Variants in ANKRD6 observed in about 807,000 individuals in gnomAD.
ANKRD6 encodes the protein ankyrin repeat domain 6, also known as ankyrin repeat domain-containing protein 6.
In ANKRD6, 56 loss-of-function variants were observed where a neutral mutation model predicts 82.3. The ratio of observed to expected loss-of-function variants is 0.68; its 90% CI spans 0.55 to 0.85. The LOEUF is 0.85. Ranked by LOEUF, ANKRD6 falls within the 40% of genes least tolerant of loss-of-function variation. The probability of loss-of-function intolerance (pLI) is 0.00; values close to 1 mark genes in which losing one functional copy is unlikely to be tolerated. For synonymous variants in ANKRD6, 347 were observed against 352.1 expected, an observed-to-expected ratio of 0.99 and a Z score of 0.16; for missense variants, 852 against 907.6, an observed-to-expected ratio of 0.94 and a Z score of 0.79.
chr6:89,442,767 T>A (rs1771585119), intron 1 of ANKRD6, among the ~76,000 whole-genome samples: 1 of 152,068 alleles, frequency 6.6e-6, no homozygotes, highest in Non-Finnish European at 1.5e-5. Context: ...TAGACAGAAG[T>A]CTCTGGGTTA....
intron 2 of ANKRD6, among the ~76,000 whole-genome samples, chr6:89,589,700 C>T (rs1263949282): frequency 6.6e-6 from 1 of 152,244 alleles, no homozygotes; most frequent in Non-Finnish European, 1.5e-5. Context: ...CTGATGTTCC[C>T]ATGCAGCAGT....
intron 1 of ANKRD6, among the ~76,000 whole-genome samples, chr6:89,470,137 TAC>T (rs1775274531): frequency 1.3e-5 from 2 of 152,268 alleles, no homozygotes; most frequent in African/African-American, 2.4e-5. Context: ...TGCACACACA[TAC>T]ACACACTCAA....
intron 1 of ANKRD6, among the ~76,000 whole-genome samples, chr6:89,449,487 C>G (rs1032036796): frequency 6.6e-6 from 1 of 152,140 alleles, no homozygotes; most frequent in African/African-American, 2.4e-5. Context: ...CAAACTAGAG[C>G]CAGGAGAGCA....
At chr6:89,579,165 A>T (rs1454752669) in intron 2 of ANKRD6, among the ~76,000 whole-genome samples, 2 of 152,266 alleles carry the variant, frequency 1.3e-5, no homozygotes, top group Non-Finnish European at 2.9e-5. Flanking sequence ...AATGATATTT[A>T]CTAGCTCTAT....
At chr6:89,477,838 A>T (rs897837602) in intron 1 of ANKRD6, among the ~76,000 whole-genome samples, 2 of 152,122 alleles carry the variant, frequency 1.3e-5, no homozygotes, top group African/African-American at 2.4e-5. Context: ...TTTTAATTAA[A>T]AAAAAGAAAA....
intron 1 of ANKRD6, among the ~76,000 whole-genome samples, chr6:89,532,795 G>A (rs796953272): frequency 9.9e-5 from 15 of 151,710 alleles, no homozygotes; most frequent in African/African-American, 2.9e-4. Context: ...TTTGCCTCCC[G>A]GGCTCAAGCC....
intron 1 of ANKRD6, among the ~76,000 whole-genome samples, chr6:89,484,426 T>A (rs183884580): frequency 2.0e-5 from 3 of 152,322 alleles, no homozygotes; most frequent in Admixed American, 2.0e-4. Context: ...TGAGGAGTAC[T>A]GGATTGAGTA....
At position 89,460,909 on chromosome 6, in the gene ANKRD6, C is replaced by CTTTTTTTTTTTTTTTT. The variant is rs143153320; in HGVS notation, c.-144+27543_-144+27544insTTTTTTTTTTTTTTTT. Among the ~76,000 whole-genome samples, 9 of 135,898 alleles carry CTTTTTTTTTTTTTTTT rather than the reference C, an allele frequency of 6.6e-5. 1 individual carries two copies. Among genetic ancestry groups the CTTTTTTTTTTTTTTTT allele is most frequent in the African/African-American group, 1.7e-4 (6 of 35,460 alleles). 89.2% of individuals were successfully genotyped at this position (135,898 alleles called of 152,430 possible). A position where few individuals can be genotyped will look rare whatever the true frequency, so the allele number is the denominator to read the frequency against. Reference sequence around the variant, plus strand: ...AATACTACATCGGTGTTTTGGAATTCTTTTTTTTTGAGACCGAGTCTCCCT... The same window carrying CTTTTTTTTTTTTTTTT: ...AATACTACATCGGTGTTTTGGAATTCTTTTTTTTTTTTTTTTTTTTTTTTTGAGACCGAGTCTCCCT... On this transcript the variant is annotated intron_variant, in intron 1 of 15. Coordinates refer to ENST00000339746, the MANE Select transcript of ANKRD6 (RefSeq NM_001242809.2).
At chr6:89,517,997 C>G (rs1268467490) in intron 1 of ANKRD6, among the ~76,000 whole-genome samples, 1 of 152,210 alleles carries the variant, frequency 6.6e-6, no homozygotes, top group African/African-American at 2.4e-5. Context: ...ACTCCCTTAC[C>G]TTGTAGCAGG....
At chr6:89,484,890 T>C (rs1777192117) in intron 1 of ANKRD6, among the ~76,000 whole-genome samples, 1 of 152,230 alleles carries the variant, frequency 6.6e-6, no homozygotes, top group African/African-American at 2.4e-5. Flanking sequence ...ACAAAGTGTT[T>C]TGAGACGTGG....
chr6:89,464,026 A>G (rs955009466), intron 1 of ANKRD6, among the ~76,000 whole-genome samples: 13 of 152,202 alleles, frequency 8.5e-5, no homozygotes, highest in Non-Finnish European at 1.3e-4. Context: ...TCAATCTCTA[A>G]TTTATCAGGT....
At chr6:89,580,439 C>T (rs1792247482) in intron 2 of ANKRD6, among the ~76,000 whole-genome samples, 1 of 152,088 alleles carries the variant, frequency 6.6e-6, no homozygotes, top group Non-Finnish European at 1.5e-5. Context: ...CCAGCATGAG[C>T]ACCTGATGAT....
At chr6:89,571,615 T>G (rs1317087274) in intron 2 of ANKRD6, among the ~76,000 whole-genome samples, 1 of 152,170 alleles carries the variant, frequency 6.6e-6, no homozygotes, top group Non-Finnish European at 1.5e-5. Context: ...TAGGAGTACT[T>G]TTTTAGAGCC....
chr6:89,534,758 GA>G (rs779520401), intron 1 of ANKRD6, among the ~76,000 whole-genome samples: 1 of 152,214 alleles, frequency 6.6e-6, no homozygotes, highest in African/African-American at 2.4e-5. Context: ...AAGATGCACA[GA>G]AGTAAATTAG....
At chr6:89,466,601 A>G (rs1248591230) in intron 1 of ANKRD6, among the ~76,000 whole-genome samples, 1 of 152,138 alleles carries the variant, frequency 6.6e-6, no homozygotes. Context: ...TTTATTCTGT[A>G]TGTATGTGAA....
intron 2 of ANKRD6, among the ~76,000 whole-genome samples, chr6:89,595,335 AAAT>A (rs768461409): frequency 3.6e-4 from 55 of 152,320 alleles, no homozygotes; most frequent in Non-Finnish European, 6.8e-4. Context: ...GATGATGAGT[AAAT>A]AATAAGTGAA....
intron 9 of ANKRD6, chr6:89,621,693 C>T: frequency 1.8e-6 from 1 of 544,542 alleles, no homozygotes. Context: ...AGACTTTAAG[C>T]TTCTTGAGGT....
At chr6:89,527,651 T>C (rs186088678) in intron 1 of ANKRD6, among the ~76,000 whole-genome samples, 2 of 151,718 alleles carry the variant, frequency 1.3e-5, no homozygotes, top group Non-Finnish European at 2.9e-5. Flanking sequence ...AAACAAACTT[T>C]TGCTAAAAAT....
At chr6:89,569,100 G>C (rs950619158) in intron 2 of ANKRD6, among the ~76,000 whole-genome samples, 2 of 151,880 alleles carry the variant, frequency 1.3e-5, no homozygotes, top group African/African-American at 2.4e-5. Flanking sequence ...TTTGAGTAGA[G>C]ATAGGGTTTC....
Sources: gnomAD v4.1 joint callset for allele counts (sites outside exome capture counted in the v4.1 genomes callset) on GRCh38, gnomAD v4.1.1 for gene constraint, MANE v1.5 for transcripts, NCBI Gene and HGNC (gene_info 2026-07-23, HGNC 2026-07-21) for gene names.